Variants in CP observed in about 807,000 individuals in gnomAD.
CP encodes the protein caeruloplasmin.
Under a neutral mutation model 122.4 loss-of-function variants are expected in CP, and 64 were observed. The ratio of observed to expected loss-of-function variants is 0.52; its 90% CI spans 0.43 to 0.64. CP has a LOEUF of 0.64. CP is among the 30% of genes least tolerant of loss of function. The pLI is 0.00. For missense variants in CP, 1,167 were observed against 1,284.4 expected (o/e 0.91, Z 1.40); for synonymous variants, 440 against 436.4 (o/e 1.01, Z -0.10).
At chr3:149,215,074 T>C (rs1269597318) in intron 1 of CP, among the ~76,000 whole-genome samples, 2 of 152,194 alleles carry the variant, frequency 1.3e-5, no homozygotes, top group Non-Finnish European at 2.9e-5. Context: ...TTGATAATAT[T>C]TGGAGACTTT....
intron 10 of CP, 48 bp from the exon 11 acceptor site, chr3:149,186,780 A>G (rs748481854): frequency 1.9e-6 from 3 of 1,553,438 alleles, no homozygotes; most frequent in Admixed American, 1.7e-5. Flanking sequence ...AGATTCTACT[A>G]CATGACAACC....
chr3:149,175,439 A>G (rs1286210413), intron 18 of CP, among the ~76,000 whole-genome samples: 5 of 152,192 alleles, frequency 3.3e-5, no homozygotes, highest in Non-Finnish European at 7.4e-5. Flanking sequence ...GGCTTTTTAA[A>G]TCTTCAAATA....
At chr3:149,212,342 G>A in intron 2 of CP, 109 bp downstream of exon 2, 1 of 1,153,512 alleles carries the variant, frequency 8.7e-7, no homozygotes, top group South Asian at 1.5e-5. Flanking sequence ...GTTAAGAGCT[G>A]AATGGCAGTT....
At chr3:149,203,449 A>C (rs1371855205) in intron 6 of CP, among the ~76,000 whole-genome samples, 2 of 151,962 alleles carry the variant, frequency 1.3e-5, no homozygotes, top group Non-Finnish European at 2.9e-5. Context: ...TTTTTAATAG[A>C]GACGGGGCTT....
rs974285627 is a variant in CP, at chr3:149,206,068, C to G, written c.1208+100G>C. 1.4e-5 allele frequency: 15 copies of G among 1,092,618 alleles called. No homozygotes were observed. In the African/African-American group the frequency reaches 2.2e-4, roughly 16 times the overall value. 67.7% of individuals were successfully genotyped at this position (1,092,618 alleles called of 1,614,324 possible). ...ATTTAGCAGTCTAGTTACTCAATTT[C>G]AGATACCAATTAAAATTTTAATTGC... On this transcript the variant is annotated intron_variant, in intron 6 of 18. Transcript: ENST00000264613.
At position 149,206,353 on chromosome 3, in the gene CP, G is replaced by A. The variant is rs1024054716; in HGVS notation, c.1037-14C>T. 6.2e-6 allele frequency: 10 copies of A among 1,613,540 alleles called. No individual in the cohort carries two copies. The highest frequency in any genetic ancestry group is 2.2e-5 in the South Asian group (2 of 91,082). ...CTTGCAAACCGGCTGAAATGAAACA[G>A]AAAGAGGCATTGATTAATGAAGACA... On this transcript the variant is annotated splice_polypyrimidine_tract_variant and intron_variant, in intron 5 of 18. Transcript: ENST00000264613.
At chr3:149,190,976 G>A (rs1200020670) in intron 9 of CP, among the ~76,000 whole-genome samples, 2 of 152,150 alleles carry the variant, frequency 1.3e-5, no homozygotes, top group Non-Finnish European at 2.9e-5. Flanking sequence ...CTCCCCCAGA[G>A]TGCAAGGATA....
At chr3:149,183,291 A>G (rs1725904903) in intron 13 of CP, among the ~76,000 whole-genome samples, 175 bp downstream of exon 13, 2 of 152,340 alleles carry the variant, frequency 1.3e-5, no homozygotes, top group African/African-American at 4.8e-5. Flanking sequence ...TTACTATGTC[A>G]TATTATTTAA....
intron 1 of CP, among the ~76,000 whole-genome samples, chr3:149,214,244 T>TA (rs2108306061): frequency 6.6e-6 from 1 of 152,212 alleles, no homozygotes; most frequent in East Asian, 1.9e-4. Context: ...GGAGGCTATA[T>TA]AGATTAAGCC....
chr3:149,162,511 G>A (rs1329029118), exon 6 of CP: 1 of 907,328 alleles, frequency 1.1e-6, no homozygotes, highest in African/African-American at 1.7e-5. Flanking sequence ...AACTTTATTT[G>A]TACATCCTAG....
chr3:149,207,822 T>C (rs1304525432), intron 4 of CP, among the ~76,000 whole-genome samples: 1 of 152,194 alleles, frequency 6.6e-6, no homozygotes, highest in Non-Finnish European at 1.5e-5. Context: ...AGGATTCTTA[T>C]CAATACCATA....
chr3:149,181,973 T>TGCCGGG, intron 14 of CP, 32 bp downstream of exon 14: 1 of 1,375,574 alleles, frequency 7.3e-7, no homozygotes, highest in Non-Finnish European at 1.0e-6. Flanking sequence ...CCTGTTAAAA[T>TGCCGGG]GCACCACCCC....
At chr3:149,171,698 C>CTTTTT (rs1170000443), downstream of CP, among the ~76,000 whole-genome samples, 109 of 118,260 alleles carry the variant, frequency 9.2e-4, 1 homozygote, top group African/African-American at 2.8e-3. Flanking sequence ...GAACTGGCTT[C>CTTTTT]TTTTTTTTTT....
intron 7 of CP, among the ~76,000 whole-genome samples, chr3:149,201,610 A>C (rs183909488): frequency 6.6e-6 from 1 of 151,926 alleles, no homozygotes; most frequent in African/African-American, 2.4e-5. Flanking sequence ...TTGTTTTTTG[A>C]GATGTAGTCT....
chr3:149,167,008 A>C, intron 4 of CP: 1 of 1,572,252 alleles, frequency 6.4e-7, no homozygotes, highest in South Asian at 1.1e-5. Flanking sequence ...GCCTCATTTC[A>C]TAACATTTCA....
At chr3:149,186,850 G>T (rs971582322) in intron 10 of CP, 118 bp from the exon 11 acceptor site, 4 of 885,808 alleles carry the variant, frequency 4.5e-6, no homozygotes, top group Non-Finnish European at 7.3e-6. Context: ...ATTCAGGCTT[G>T]CCCACGCTTT....
chr3:149,214,171 G>A (rs530377879), intron 1 of CP, among the ~76,000 whole-genome samples: 2 of 152,288 alleles, frequency 1.3e-5, no homozygotes, highest in South Asian at 2.1e-4. Flanking sequence ...CTGATACCAT[G>A]AGACAGAAAG....
chr3:149,169,554 C>T (rs1724772258), downstream of CP, among the ~76,000 whole-genome samples: 1 of 152,130 alleles, frequency 6.6e-6, no homozygotes, highest in Non-Finnish European at 1.5e-5. Context: ...GGGGGTTTCC[C>T]CTGTGCATTT....
intron 5 of CP, among the ~76,000 whole-genome samples, chr3:149,164,607 C>G (rs1006730391): frequency 6.6e-6 from 1 of 152,180 alleles, no homozygotes; most frequent in African/African-American, 2.4e-5. Context: ...TTTCTTTGGT[C>G]TTCCCAGTGT....
Sources: allele counts gnomAD v4.1 joint callset (sites outside exome capture counted in the v4.1 genomes callset), GRCh38; gene constraint gnomAD v4.1.1; transcripts MANE v1.5; gene names NCBI Gene and HGNC (gene_info 2026-07-23, HGNC 2026-07-21).